The following SEMA3D variants were observed in gnomAD, a reference collection of about 807,000 sequenced individuals.
The protein encoded by SEMA3D is semaphorin 3D, also known as semaphorin-3D.
Under a neutral mutation model 100.1 loss-of-function variants are expected in SEMA3D, and 84 were observed. The ratio of observed to expected loss-of-function variants is 0.84; its 90% CI spans 0.70 to 1.01. SEMA3D has a LOEUF of 1.01. Ranked by LOEUF, SEMA3D falls within the 50% of genes least tolerant of loss-of-function variation. The pLI, the probability that SEMA3D is intolerant of heterozygous loss-of-function variation, is 0.00. For synonymous variants in SEMA3D, 312 were observed against 320.7 expected (o/e 0.97, Z 0.29); for missense variants, 875 against 934.1 (o/e 0.94, Z 0.82).
At chr7:85,019,064 T>C (rs768753375) in intron 14 of SEMA3D, among the ~76,000 whole-genome samples, 49 of 151,898 alleles carry the variant, frequency 3.2e-4, no homozygotes, top group Non-Finnish European at 3.4e-4. Flanking sequence ...ATTTTTGTTA[T>C]CAATTTTAAA....
rs925697909 is a variant in SEMA3D, at chr7:85,064,143, C to T, written c.718+1281G>A. Among the ~76,000 whole-genome samples the T allele has an allele frequency of 2.0e-5, 3 of 152,192 alleles. No individual in the cohort carries two copies. In the East Asian group the frequency reaches 5.8e-4, roughly 29 times the overall value. On this transcript the variant is annotated intron_variant, in intron 8 of 18. Transcript: ENST00000284136. ...TGTTACAGTAATGGAAAAAATACTA[C>T]TGTCTTTTAGAAGAGGAGAAACATG...
At chr7:85,130,231 T>A (rs867293104) in intron 2 of SEMA3D, among the ~76,000 whole-genome samples, 1 of 152,126 alleles carries the variant, frequency 6.6e-6, no homozygotes, top group Non-Finnish European at 1.5e-5. Context: ...TCAGCAACTA[T>A]CAATAACTAA....
At chr7:85,234,474 T>A in the SEMA3D span, among the ~76,000 whole-genome samples, 1 of 152,150 alleles carries the variant, frequency 6.6e-6, no homozygotes, top group South Asian at 2.1e-4. Context: ...GATTGAGAGA[T>A]CAGTGGTCCT....
intron 2 of SEMA3D, chr7:85,143,074 C>A: frequency 1.1e-6 from 1 of 927,912 alleles, no homozygotes; most frequent in Non-Finnish European, 1.3e-6. Context: ...GACAAACTTA[C>A]AATTAGTTAT....
chr7:85,190,966 T>A (rs1791682463), upstream of SEMA3D, among the ~76,000 whole-genome samples: 1 of 151,892 alleles, frequency 6.6e-6, no homozygotes, highest in Non-Finnish European at 1.5e-5. Context: ...TGATGCCCTC[T>A]GTAGAATATT....
intron 12 of SEMA3D, among the ~76,000 whole-genome samples, chr7:85,024,660 C>T (rs970647262): frequency 6.6e-6 from 1 of 151,956 alleles, no homozygotes; most frequent in African/African-American, 2.4e-5. Context: ...AGCTTTTCCT[C>T]ATGGCATGTT....
the SEMA3D span, among the ~76,000 whole-genome samples, chr7:85,194,950 T>A: frequency 2.0e-5 from 3 of 152,136 alleles, no homozygotes; most frequent in Non-Finnish European, 4.4e-5. Context: ...CTGACTTACT[T>A]TTTTAAAGAC....
chr7:85,079,730 C>A (rs1180308531), intron 5 of SEMA3D, among the ~76,000 whole-genome samples: 3 of 152,194 alleles, frequency 2.0e-5, no homozygotes, highest in African/African-American at 7.2e-5. Context: ...TTGAAAACAT[C>A]CTTTTCCTTC....
chr7:85,058,880 CA>C lies in SEMA3D; in HGVS notation c.719-3022del, dbSNP rs137911293. Among the ~76,000 whole-genome samples, 378 of 147,256 alleles carry C rather than the reference CA, an allele frequency of 2.6e-3. 1 individual carries two copies. Among genetic ancestry groups the C allele is most frequent in the South Asian group, 0.013 (62 of 4,698 alleles). On this transcript the variant is annotated intron_variant, in intron 8 of 18. Transcript: ENST00000284136. ...ACTATTATATTCAAGGAATTTAGTGCAAAAAAAAAGAAAACTATTTGAATTA... is the reference window on the plus strand; with the variant it reads ...ACTATTATATTCAAGGAATTTAGTGCAAAAAAAAGAAAACTATTTGAATTA...
chr7:85,066,892 T>TCA (rs542898682), intron 7 of SEMA3D, among the ~76,000 whole-genome samples: 1,598 of 106,860 alleles, frequency 0.015, 13 homozygotes, highest in South Asian at 0.018. Flanking sequence ...AAATGTGCGC[T>TCA]CACACACACA....
intron 4 of SEMA3D, among the ~76,000 whole-genome samples, chr7:85,084,852 A>T (rs1788172196): frequency 1.3e-5 from 2 of 152,178 alleles, no homozygotes; most frequent in South Asian, 2.1e-4. Flanking sequence ...CTTATAAGTG[A>T]TGAGAACACA....
intron 1 of SEMA3D, among the ~76,000 whole-genome samples, chr7:85,182,648 A>AT (rs932465344): frequency 6.6e-6 from 1 of 152,170 alleles, no homozygotes; most frequent in Non-Finnish European, 1.5e-5. Flanking sequence ...ATTAAAAAGG[A>AT]TTTTGGCCAT....
chr7:85,094,171 G>C (rs1229606728), intron 4 of SEMA3D, among the ~76,000 whole-genome samples: 2 of 151,822 alleles, frequency 1.3e-5, no homozygotes, highest in African/African-American at 2.4e-5. Flanking sequence ...GTGCATGTGA[G>C]AGAACAATGA....
intron 1 of SEMA3D, among the ~76,000 whole-genome samples, chr7:85,155,897 G>A (rs902626558): frequency 1.3e-5 from 2 of 151,968 alleles, no homozygotes; most frequent in Non-Finnish European, 2.9e-5. Flanking sequence ...TATGACTTAT[G>A]TCACACTTAC....
chr7:85,006,691 T>C (rs1311866188), intron 18 of SEMA3D, 111 bp downstream of exon 18: 1 of 854,046 alleles, frequency 1.2e-6, no homozygotes, highest in East Asian at 3.0e-5. Context: ...AAACCTGTTA[T>C]TTTTTTTAAT....
At chr7:85,097,471 T>C (rs974467088) in intron 4 of SEMA3D, among the ~76,000 whole-genome samples, 2 of 151,932 alleles carry the variant, frequency 1.3e-5, no homozygotes, top group Non-Finnish European at 1.5e-5. Context: ...TATTCATTCT[T>C]GATGTATAAC....
intron 16 of SEMA3D, among the ~76,000 whole-genome samples, chr7:85,013,048 T>C (rs1243287936): frequency 6.6e-6 from 1 of 151,824 alleles, no homozygotes; most frequent in Non-Finnish European, 1.5e-5. Flanking sequence ...AGAAATCCTT[T>C]TCAGACAATG....
At chr7:85,136,558 G>T (rs1324801299) in intron 2 of SEMA3D, among the ~76,000 whole-genome samples, 9 of 151,984 alleles carry the variant, frequency 5.9e-5, no homozygotes, top group Admixed American at 1.3e-4. Flanking sequence ...GGTATTTCAA[G>T]ATTATTTTAG....
chr7:85,248,498 G>T, the SEMA3D span, among the ~76,000 whole-genome samples: 28,621 of 152,022 alleles, frequency 0.19, 2,862 homozygotes, highest in East Asian at 0.37. Context: ...AACTGATAAC[G>T]CATAGCCACA....
Sources: gnomAD v4.1 joint callset for allele counts (sites outside exome capture counted in the v4.1 genomes callset) on GRCh38, gnomAD v4.1.1 for gene constraint, MANE v1.5 for transcripts, NCBI Gene and HGNC (gene_info 2026-07-23, HGNC 2026-07-21) for gene names.